The following AGBL4 variants were observed in gnomAD, a reference collection of about 807,000 sequenced individuals.
AGBL4 encodes cytosolic carboxypeptidase 6.
In AGBL4, 58 loss-of-function variants were observed where a neutral mutation model predicts 66.4. The ratio of observed to expected loss-of-function variants is 0.87; its 90% CI spans 0.71 to 1.09. The LOEUF (loss-of-function observed/expected upper bound fraction) is 1.09, where lower values mean the gene tolerates loss of function less well. AGBL4 is among the 50% of genes least tolerant of loss of function. AGBL4 has a pLI of 0.00. For synonymous variants in AGBL4, 234 were observed against 222.9 expected (o/e 1.05, Z -0.44); for missense variants, 579 against 631.0 (o/e 0.92, Z 0.88).
chr1:48,865,023 C>T (rs1047754959), intron 6 of AGBL4, among the ~76,000 whole-genome samples: 1 of 151,882 alleles, frequency 6.6e-6, no homozygotes, highest in Non-Finnish European at 1.5e-5. Context: ...AATTCCTGGT[C>T]AGCATTTCAG....
intron 5 of AGBL4, among the ~76,000 whole-genome samples, chr1:49,014,054 C>T (rs1662642050): frequency 1.3e-5 from 2 of 152,138 alleles, no homozygotes. Context: ...TTGTTTCTCT[C>T]TAATGCAATA....
At chr1:48,526,198 TA>T in the AGBL4 span, among the ~76,000 whole-genome samples, 21 of 152,300 alleles carry the variant, frequency 1.4e-4, no homozygotes, top group Non-Finnish European at 2.2e-4. Flanking sequence ...GGAGGCTTTT[TA>T]TAACCAGCAT....
At chr1:48,896,907 G>A (rs1024623099) in intron 5 of AGBL4, among the ~76,000 whole-genome samples, 1 of 151,798 alleles carries the variant, frequency 6.6e-6, no homozygotes, top group Non-Finnish European at 1.5e-5. Flanking sequence ...TGAGACTTTT[G>A]GGGTCTTCAA....
chr1:49,548,506 C>G (rs1001667787), intron 3 of AGBL4, among the ~76,000 whole-genome samples: 6 of 152,140 alleles, frequency 3.9e-5, no homozygotes, highest in African/African-American at 1.2e-4. Flanking sequence ...ATTTTGTCAA[C>G]TGCTTTTTCT....
intron 3 of AGBL4, among the ~76,000 whole-genome samples, chr1:49,318,386 A>AGATGATGATGAT (rs3052048): frequency 1.5e-4 from 22 of 148,784 alleles, no homozygotes; most frequent in Middle Eastern, 3.4e-3. Flanking sequence ...ATTTAAATGC[A>AGATGATGATGAT]GATGATGATG....
chr1:48,711,139 C>G (rs1646961214), intron 6 of AGBL4, among the ~76,000 whole-genome samples: 1 of 152,154 alleles, frequency 6.6e-6, no homozygotes, highest in Non-Finnish European at 1.5e-5. Context: ...CCAGCTCCAG[C>G]CCAGCCCATG....
At chr1:49,874,948 T>A (rs1294631838) in intron 1 of AGBL4, among the ~76,000 whole-genome samples, 1 of 146,394 alleles carries the variant, frequency 6.8e-6, no homozygotes, top group Non-Finnish European at 1.5e-5. Flanking sequence ...TAGCATTAGG[T>A]ATATCTCCCA....
At chr1:49,917,259 A>C (rs1002668073) in intron 1 of AGBL4, among the ~76,000 whole-genome samples, 26 of 152,256 alleles carry the variant, frequency 1.7e-4, no homozygotes, top group Non-Finnish European at 1.9e-4. Flanking sequence ...TGTAAATGGA[A>C]TAAATGCTCC....
At chr1:48,843,253 A>C (rs892397414) in intron 6 of AGBL4, among the ~76,000 whole-genome samples, 2 of 152,176 alleles carry the variant, frequency 1.3e-5, no homozygotes, top group African/African-American at 2.4e-5. Flanking sequence ...TTGGAACAAC[A>C]ATGATTGATT....
intron 1 of AGBL4, among the ~76,000 whole-genome samples, chr1:50,012,632 C>T (rs1661636391): frequency 6.6e-6 from 1 of 152,100 alleles, no homozygotes; most frequent in African/African-American, 2.4e-5. Context: ...AGTTAAAACT[C>T]TTAAGCTTTC....
At position 48,567,729 on chromosome 1, in the gene AGBL4, T is replaced by C. The variant is rs552254581; in HGVS notation, c.1267+19275A>G. On this transcript the variant is annotated intron_variant, in intron 11 of 13. Transcript: ENST00000371839. Reference sequence around the variant, plus strand: ...TGGGCTTTGAGAGGAGGATAGTGGGTAGGAGCAGATGGCACGTCTTTGGCT... The same window carrying C: ...TGGGCTTTGAGAGGAGGATAGTGGGCAGGAGCAGATGGCACGTCTTTGGCT... 1.3e-4 allele frequency among the ~76,000 whole-genome samples: 20 copies of C among 152,210 alleles called. 1 individual carries two copies. The South Asian group carries it at 3.9e-3, about 30-fold the overall frequency.
chr1:48,999,681 T>C (rs1351731555), intron 5 of AGBL4, among the ~76,000 whole-genome samples: 2 of 152,070 alleles, frequency 1.3e-5, no homozygotes, highest in African/African-American at 4.8e-5. Context: ...GTCTCTACAA[T>C]TGGGTGGGAG....
intron 2 of AGBL4, among the ~76,000 whole-genome samples, chr1:49,749,618 C>A (rs1423091991): frequency 6.6e-6 from 1 of 151,880 alleles, no homozygotes; most frequent in Non-Finnish European, 1.5e-5. Flanking sequence ...GCACTATCAT[C>A]AAAAAATTAG....
intron 3 of AGBL4, among the ~76,000 whole-genome samples, chr1:49,592,558 G>A (rs575498343): frequency 1.9e-4 from 29 of 152,088 alleles, no homozygotes; most frequent in African/African-American, 6.3e-4. Context: ...ACACAGTGAG[G>A]CTCTGTCTCA....
At chr1:49,717,318 C>A (rs966097715) in intron 2 of AGBL4, among the ~76,000 whole-genome samples, 2 of 152,064 alleles carry the variant, frequency 1.3e-5, no homozygotes, top group Non-Finnish European at 2.9e-5. Flanking sequence ...CCCCATCAAG[C>A]TACCACTGAC....
At chr1:49,586,716 GT>G (rs1483239249) in intron 3 of AGBL4, among the ~76,000 whole-genome samples, 1 of 152,026 alleles carries the variant, frequency 6.6e-6, no homozygotes, top group Non-Finnish European at 1.5e-5. Flanking sequence ...TGCTCTTTTC[GT>G]TAAAGCAGCA....
At chr1:49,652,733 C>A (rs141906390) in intron 3 of AGBL4, among the ~76,000 whole-genome samples, 1 of 152,130 alleles carries the variant, frequency 6.6e-6, no homozygotes, top group Non-Finnish European at 1.5e-5. Context: ...GGCCAGACAG[C>A]GGGACCCAGA....
chr1:49,015,252 T>A (rs1335800296), intron 5 of AGBL4, among the ~76,000 whole-genome samples: 1 of 152,014 alleles, frequency 6.6e-6, no homozygotes, highest in African/African-American at 2.4e-5. Context: ...ATGCCATACT[T>A]CTTTTCCCCT....
At chr1:48,856,295 T>G (rs1345099428) in intron 6 of AGBL4, among the ~76,000 whole-genome samples, 1 of 152,194 alleles carries the variant, frequency 6.6e-6, no homozygotes, top group African/African-American at 2.4e-5. Flanking sequence ...AAGATGTATA[T>G]AAAACTTACT....
Sources: gnomAD v4.1 joint callset for allele counts (sites outside exome capture counted in the v4.1 genomes callset) on GRCh38, gnomAD v4.1.1 for gene constraint, MANE v1.5 for transcripts, NCBI Gene and HGNC (gene_info 2026-07-23, HGNC 2026-07-21) for gene names.